The following TRRAP variants were observed in gnomAD, a reference collection of about 807,000 sequenced individuals.
TRRAP encodes the protein transformation/transcription domain associated protein.
In TRRAP, 41 loss-of-function variants were observed where a neutral mutation model predicts 438.8. That is an observed-to-expected ratio of 0.09 (90% confidence interval 0.07 to 0.12). The LOEUF is 0.12. Among genes scored for constraint, TRRAP ranks in the 10% least tolerant of loss-of-function variants. The pLI is 1.00. For synonymous variants in TRRAP, 1,994 were observed against 1,962.9 expected (o/e 1.02, Z -0.42); for missense variants, 3,122 against 5,055.1 (o/e 0.62, Z 11.60).
intron 63 of TRRAP, among the ~76,000 whole-genome samples, chr7:98,990,043 C>T (rs1212305283): frequency 6.6e-6 from 1 of 152,164 alleles, no homozygotes; most frequent in Non-Finnish European, 1.5e-5. Context: ...GCCTGGCCGA[C>T]ATGGCAAAAC....
At chr7:98,932,191 G>A (rs1790353798) in intron 26 of TRRAP, among the ~76,000 whole-genome samples, 1 of 152,020 alleles carries the variant, frequency 6.6e-6, no homozygotes, top group Non-Finnish European at 1.5e-5. Flanking sequence ...TTGGCTCACT[G>A]CAAGCTCTGC....
At chr7:99,000,553 C>T (rs1291786819) in intron 67 of TRRAP, among the ~76,000 whole-genome samples, 2 of 152,262 alleles carry the variant, frequency 1.3e-5, no homozygotes, top group African/African-American at 4.8e-5. Context: ...CGCACTCCAG[C>T]CTTGGGGCCA....
chr7:98,952,820 G>A lies in TRRAP; in HGVS notation c.5464-347G>A, dbSNP rs138062250. On this transcript the variant is annotated intron_variant, in intron 39 of 72. Coordinates refer to ENST00000456197, the MANE Select transcript of TRRAP (RefSeq NM_001375524.1). ...TTACGTAAGATAAGGTGAACGTGGG[G>A]CCGTCACCTGTGCAGATCGTTAACC... 3.5e-4 allele frequency among the ~76,000 whole-genome samples: 53 copies of A among 152,244 alleles called. No homozygotes were observed. In the East Asian group the frequency reaches 0.01, roughly 29 times the overall value.
chr7:98,905,838 G>A (rs1554407440), intron 12 of TRRAP, among the ~76,000 whole-genome samples: 1 of 152,174 alleles, frequency 6.6e-6, no homozygotes, highest in African/African-American at 2.4e-5. Context: ...GGTTGGGAGG[G>A]TGGTGACAAT....
chr7:99,001,306 C>T (rs191703432), intron 67 of TRRAP, among the ~76,000 whole-genome samples: 21 of 152,296 alleles, frequency 1.4e-4, no homozygotes, highest in East Asian at 3.9e-4. Flanking sequence ...CGGTCCTCCC[C>T]GTCTATACGT....
intron 40 of TRRAP, 33 bp downstream of exon 40, chr7:98,953,466 C>T: frequency 6.3e-7 from 1 of 1,597,720 alleles, no homozygotes; most frequent in Non-Finnish European, 8.5e-7. Flanking sequence ...CCGCCGACAT[C>T]AGCGTGAATC....
At chr7:98,993,242 C>T (rs946801643) in intron 65 of TRRAP, among the ~76,000 whole-genome samples, 1 of 152,262 alleles carries the variant, frequency 6.6e-6, no homozygotes, top group Non-Finnish European at 1.5e-5. Context: ...CTCACCTGGA[C>T]TCACCAGGCG....
At position 98,948,807 on chromosome 7, in the gene TRRAP, T is replaced by C. The variant is rs1791199840; in HGVS notation, c.4788+122T>C. On this transcript the variant is annotated intron_variant, in intron 35 of 72. Coordinates refer to ENST00000456197, the MANE Select transcript of TRRAP (RefSeq NM_001375524.1). This position sits in a 1 kb window ranked among gnomAD's most constrained non-coding sequence, Gnocchi z 4.9. ...CTGGCTGCTTTTTTTTCAGATCCAT[T>C]TGAATATTGGAAACAGCATTGCTGT... is the stretch of plus-strand genomic sequence containing the variant. 10 of 1,490,028 alleles carry C rather than the reference T, an allele frequency of 6.7e-6. No homozygotes were observed. Among genetic ancestry groups the C allele is most frequent in the African/African-American group, 1.4e-5 (1 of 71,940 alleles). 92.3% of individuals were successfully genotyped at this position (1,490,028 alleles called of 1,614,324 possible). A position where few individuals can be genotyped will look rare whatever the true frequency, so the allele number is the denominator to read the frequency against.
chr7:98,919,601 CA>C (rs1271976896), intron 20 of TRRAP, among the ~76,000 whole-genome samples: 1 of 151,858 alleles, frequency 6.6e-6, no homozygotes, highest in Non-Finnish European at 1.5e-5. Flanking sequence ...GACCCTGTTT[CA>C]AAAAAAACCA....
At position 98,961,438 on chromosome 7, in the gene TRRAP, C is replaced by G; in HGVS notation, c.6667C>G (p.Leu2223Val). 6.2e-7 allele frequency: 1 copy of G among 1,614,262 alleles called. No individual in the cohort carries two copies. The highest frequency in any genetic ancestry group is 8.5e-7 in the Non-Finnish European group (1 of 1,180,050). Residue 2223 changes from leucine (L) to valine (V), a missense_variant, in exon 46 of 73, where the codon CTC (leucine) becomes GTC (valine). By Grantham distance (32) the Leu-to-Val change is conservative. This residue lies in a region of TRRAP where 992 missense variants were observed against 1,281.2 expected (regional missense o/e 0.77). Coordinates refer to ENST00000456197, the MANE Select transcript of TRRAP (RefSeq NM_001375524.1). ...TKVLRAVHSL[L>V]SRLMSIFPTE... is the part of the protein sequence containing the mutation. ...GGTGTTGCGAGCCGTCCACAGCCTT[C>G]TCTCGCGCCTGATGAGCATTTTCCC...
intron 30 of TRRAP, 23 bp from the exon 31 acceptor site, chr7:98,942,926 C>T: frequency 6.2e-7 from 1 of 1,613,966 alleles, no homozygotes; most frequent in Non-Finnish European, 8.5e-7. Context: ...GAAGTTGTGT[C>T]TCAGGATGTG....
rs766810962 is a variant in TRRAP at position 98,961,426 on chromosome 7, G to C, written c.6655G>C (p.Val2219Leu). The change falls in exon 46 of 73, where the codon GTC becomes CTC. Residue 2219 changes from valine to leucine, a missense_variant. Around this residue, in one of 24 missense-constraint regions of TRRAP, gnomAD observed 992 missense variants for 1,281.2 expected, o/e 0.77. Transcript: ENST00000456197. ...TCGNTKVLRA[V>L]HSLLSRLMSI... is the part of the protein sequence containing the mutation. ...TGGAAACACCAAGGTGTTGCGAGCC[G>C]TCCACAGCCTTCTCTCGCGCCTGAT... The C allele has an allele frequency of 2.5e-6, 4 of 1,614,122 alleles. No homozygotes were observed. The South Asian group carries it at 4.4e-5, about 18-fold the overall frequency.
At chr7:98,969,049 C>T (rs144453584) in intron 51 of TRRAP, among the ~76,000 whole-genome samples, 242 of 152,342 alleles carry the variant, frequency 1.6e-3, no homozygotes, top group South Asian at 3.3e-3. Flanking sequence ...TCCCTCACTG[C>T]GGGTGACAGT....
chr7:98,881,459 C>T (rs1260610476), intron 2 of TRRAP, among the ~76,000 whole-genome samples: 1 of 151,756 alleles, frequency 6.6e-6, no homozygotes, highest in African/African-American at 2.4e-5. Context: ...GTAGTCCCAG[C>T]TACTTGGGAG....
intron 21 of TRRAP, among the ~76,000 whole-genome samples, chr7:98,922,577 C>T (rs1441289464): frequency 3.3e-5 from 5 of 151,992 alleles, no homozygotes; most frequent in Admixed American, 6.6e-5. Flanking sequence ...GTTGGCTTTT[C>T]CCTCTGACTC....
At chr7:98,989,391 A>T (rs1793289586) in intron 63 of TRRAP, among the ~76,000 whole-genome samples, 1 of 152,234 alleles carries the variant, frequency 6.6e-6, no homozygotes, top group African/African-American at 2.4e-5. Flanking sequence ...GCCCCCCAGC[A>T]GCCCTGAGCT....
Position 98,956,245 on chromosome 7 carries a change from G to A in TRRAP, c.6037G>A (p.Ala2013Thr). ...PSVTIEQRRL[A>T]VDLSEVVIKW... Reference sequence around the variant, plus strand: ...TGTCACCATCGAGCAGAGGCGGCTGGCCGTGGACCTGTCTGAAGTCGTCAT... The same window carrying A: ...TGTCACCATCGAGCAGAGGCGGCTGACCGTGGACCTGTCTGAAGTCGTCAT... Residue 2013 changes from alanine to threonine, a missense_variant, in exon 42 of 73, where the codon GCC becomes ACC. By Grantham distance (58) the Ala-to-Thr change is moderately conservative. This residue lies in a region of TRRAP where 992 missense variants were observed against 1,281.2 expected (regional missense o/e 0.77). Transcript: ENST00000456197. This position sits in a 1 kb window ranked among gnomAD's most constrained non-coding sequence, Gnocchi z 4.5. The A allele has an allele frequency of 6.2e-7, 1 of 1,614,172 alleles. No homozygotes were observed. The highest frequency in any genetic ancestry group is 8.5e-7 in the Non-Finnish European group (1 of 1,180,042).
At chr7:98,917,734 C>T (rs1789573695) in intron 20 of TRRAP, 55 bp downstream of exon 20, 4 of 1,585,134 alleles carry the variant, frequency 2.5e-6, no homozygotes, top group Non-Finnish European at 3.4e-6. Flanking sequence ...AGTGGGCCGT[C>T]ATTGGGTTCT....
chr7:98,882,654 C>A (rs1795505533), intron 3 of TRRAP, among the ~76,000 whole-genome samples: 1 of 150,758 alleles, frequency 6.6e-6, no homozygotes, highest in Non-Finnish European at 1.5e-5. Flanking sequence ...TGAGCCACCT[C>A]ACCTGGCCTG....
Sources: allele counts gnomAD v4.1 joint callset (sites outside exome capture counted in the v4.1 genomes callset), GRCh38; gene constraint gnomAD v4.1.1; regional missense constraint gnomAD v4.1.1; non-coding constraint Gnocchi (gnomAD v3.1); transcripts MANE v1.5; gene names NCBI Gene and HGNC (gene_info 2026-07-23, HGNC 2026-07-21).